The following EPB41L4A variants were observed in gnomAD, a reference collection of about 807,000 sequenced individuals.
The protein encoded by EPB41L4A is band 4.1-like protein 4A.
Under a neutral mutation model 108.6 loss-of-function variants are expected in EPB41L4A, and 100 were observed. That is an observed-to-expected ratio of 0.92 (90% CI 0.78 to 1.09). The LOEUF (loss-of-function observed/expected upper bound fraction) is 1.09, where lower values mean the gene tolerates loss of function less well. EPB41L4A is among the 50% of genes least tolerant of loss of function. The pLI, the probability that EPB41L4A is intolerant of heterozygous loss-of-function variation, is 0.00. For missense variants in EPB41L4A, 1,030 were observed against 842.7 expected, an observed-to-expected ratio of 1.22 and a Z score of -2.75; for synonymous variants, 319 against 289.0, an observed-to-expected ratio of 1.10 and a Z score of -1.05.
At chr5:112,375,900 C>A (rs1206525702) in intron 1 of EPB41L4A, among the ~76,000 whole-genome samples, 1 of 152,140 alleles carries the variant, frequency 6.6e-6, no homozygotes, top group Non-Finnish European at 1.5e-5. Context: ...AGCAACATCC[C>A]TGGGGAGTGA....
At chr5:112,193,544 G>T (rs1761811786) in intron 17 of EPB41L4A, among the ~76,000 whole-genome samples, 1 of 152,174 alleles carries the variant, frequency 6.6e-6, no homozygotes, top group Admixed American at 6.5e-5. Context: ...CAGGTGATCT[G>T]CCTGCCTTGG....
At position 112,148,111 on chromosome 5, in the gene EPB41L4A, TATATA is replaced by T. The variant is rs889179352; in HGVS notation, n.995-2118_995-2114del. ...TATTACTATAATATAATAGTATTAC[TATATA>T]ATATAATAATATAATAGTATTACTA... is the stretch of plus-strand genomic sequence containing the variant. On this transcript the variant is annotated intron_variant and non_coding_transcript_variant, in intron 12 of 13. Coordinates refer to the EPB41L4A transcript ENST00000507810. Among the ~76,000 whole-genome samples, 18 of 147,268 alleles carry T rather than the reference TATATA, an allele frequency of 1.2e-4. No homozygotes were observed. In the East Asian group the frequency reaches 2.9e-3, roughly 24 times the overall value.
intron 1 of EPB41L4A, among the ~76,000 whole-genome samples, chr5:112,375,898 C>T (rs1385019424): frequency 2.0e-5 from 3 of 152,172 alleles, no homozygotes; most frequent in African/African-American, 7.2e-5. Context: ...GGAGCAACAT[C>T]CCTGGGGAGT....
rs1014125487 is a variant in EPB41L4A at position 112,165,070 on chromosome 5, A to G, written c.1981T>C (p.Ser661Pro). ...TGTTTTCCAGCCAGGTTGTTTGTAG[A>G]TGTCTGAGGTTTTTCTTCCATCAGG... ...DSLMEEKPQT[S>P]TNNLAGKHTA... The change falls in exon 23 of 23, where the codon TCT (serine) becomes CCT (proline). Residue 661 changes from serine (S) to proline (P), a missense_variant. Physicochemically the swap from Ser to Pro is moderately conservative, Grantham distance 74. Transcript: ENST00000261486. 21 of 1,613,390 alleles carry G rather than the reference A, an allele frequency of 1.3e-5. No individual in the cohort carries two copies. Among genetic ancestry groups the G allele is most frequent in the African/African-American group, 2.7e-5 (2 of 74,820 alleles).
intron 12 of EPB41L4A, among the ~76,000 whole-genome samples, chr5:112,216,656 C>G (rs1435161175): frequency 2.6e-5 from 4 of 152,108 alleles, no homozygotes; most frequent in Non-Finnish European, 4.4e-5. Flanking sequence ...AAGATTATAG[C>G]TATTCTCAAC....
chr5:112,334,149 GACAAA>G (rs1328407266), intron 1 of EPB41L4A, among the ~76,000 whole-genome samples: 3 of 152,168 alleles, frequency 2.0e-5, no homozygotes, highest in Admixed American at 1.3e-4. Flanking sequence ...TCCTAAAACT[GACAAA>G]ACAAACCCTT....
intron 15 of EPB41L4A, among the ~76,000 whole-genome samples, chr5:112,199,085 G>A (rs1762099157): frequency 6.6e-6 from 1 of 152,174 alleles, no homozygotes. Context: ...ACAGTAATAT[G>A]AGGGCAGCCT....
At chr5:112,330,848 G>T (rs1216627439) in intron 1 of EPB41L4A, among the ~76,000 whole-genome samples, 1 of 152,094 alleles carries the variant, frequency 6.6e-6, no homozygotes, top group African/African-American at 2.4e-5. Flanking sequence ...ATCATCAAGA[G>T]TGATTACCTT....
rs375863868 is a variant in EPB41L4A at position 112,195,640 on chromosome 5, C to T, written c.1424+21G>A. 7.5e-6 allele frequency: 12 copies of T among 1,596,454 alleles called. No individual in the cohort carries two copies. In the African/African-American group the frequency reaches 1.5e-4, roughly 20 times the overall value. On this transcript the variant is annotated intron_variant, in intron 16 of 22. Coordinates refer to ENST00000261486, the MANE Select transcript of EPB41L4A (RefSeq NM_022140.5). ...CTAACCCTTCTTCCCTCTGACTGTC[C>T]TTCCATTTTTGTTTTTTTACCTCCT...
chr5:112,280,095 C>A (rs1026185553), intron 3 of EPB41L4A, among the ~76,000 whole-genome samples, 177 bp downstream of exon 3: 25 of 152,160 alleles, frequency 1.6e-4, no homozygotes, highest in African/African-American at 5.6e-4. Flanking sequence ...TAAATTTAAT[C>A]TGACTTTGGA....
At chr5:112,414,537 G>C (rs1344567110) in intron 1 of EPB41L4A, among the ~76,000 whole-genome samples, 1 of 152,108 alleles carries the variant, frequency 6.6e-6, no homozygotes, top group Non-Finnish European at 1.5e-5. Context: ...AACTCCCACA[G>C]GGAGTTCAAG....
At chr5:112,322,460 C>G (rs1030519496) in intron 1 of EPB41L4A, among the ~76,000 whole-genome samples, 1 of 152,156 alleles carries the variant, frequency 6.6e-6, no homozygotes, top group Non-Finnish European at 1.5e-5. Context: ...AGCTAAAGGA[C>G]CCACCTGGGT....
rs141702349 is a variant in EPB41L4A at position 112,164,775 on chromosome 5, G to A, written c.*215C>T. 8.8e-5 allele frequency: 32 copies of A among 363,358 alleles called. No homozygotes were observed. The highest frequency in any genetic ancestry group is 4.5e-4 in the African/African-American group (21 of 46,502). 22.5% of individuals were successfully genotyped at this position (363,358 alleles called of 1,614,324 possible). On this transcript the variant is annotated 3_prime_UTR_variant, in exon 23 of 23. Transcript: ENST00000261486. The stretch of plus-strand genomic sequence containing the variant: ...GCTTAACCCAGTAAGTGGAGGCTGC[G>A]GTGAGCTGACACGGTGCCGCTGCAC...
intron 9 of EPB41L4A, among the ~76,000 whole-genome samples, chr5:112,252,417 A>G (rs1750743191): frequency 6.6e-6 from 1 of 152,094 alleles, no homozygotes; most frequent in African/African-American, 2.4e-5. Flanking sequence ...AATGGCTAAC[A>G]CTCAGGGTAG....
At chr5:112,247,390 C>A (rs1750321498) in intron 9 of EPB41L4A, among the ~76,000 whole-genome samples, 1 of 152,110 alleles carries the variant, frequency 6.6e-6, no homozygotes, top group Non-Finnish European at 1.5e-5. Flanking sequence ...ACAGGCTACC[C>A]CTGCCCCTCT....
chr5:112,276,052 G>A (rs945981512), intron 3 of EPB41L4A, among the ~76,000 whole-genome samples: 23 of 152,094 alleles, frequency 1.5e-4, no homozygotes, highest in African/African-American at 5.3e-4. Flanking sequence ...CTGGGAAGAA[G>A]GGCTAGAAAC....
intron 1 of EPB41L4A, among the ~76,000 whole-genome samples, chr5:112,391,621 C>A (rs572047961): frequency 6.6e-6 from 1 of 152,032 alleles, no homozygotes; most frequent in African/African-American, 2.4e-5. Context: ...TACCTGAAAG[C>A]GATGGGGAGA....
intron 2 of EPB41L4A, among the ~76,000 whole-genome samples, chr5:112,301,150 A>C (rs1011897222): frequency 1.3e-5 from 2 of 151,942 alleles, no homozygotes; most frequent in Admixed American, 1.3e-4. Context: ...TTTTCAGGTC[A>C]ATCAGGGACT....
At chr5:112,409,642 T>G (rs1762298778) in intron 1 of EPB41L4A, among the ~76,000 whole-genome samples, 1 of 152,158 alleles carries the variant, frequency 6.6e-6, no homozygotes, top group African/African-American at 2.4e-5. Flanking sequence ...TTCAGATTAA[T>G]TCAACATTTA....
Sources: allele counts gnomAD v4.1 joint callset (sites outside exome capture counted in the v4.1 genomes callset), GRCh38; gene constraint gnomAD v4.1.1; transcripts MANE v1.5; gene names NCBI Gene and HGNC (gene_info 2026-07-23, HGNC 2026-07-21).